Variants in MAGI2 observed in about 807,000 individuals in gnomAD.
MAGI2 encodes the protein membrane-associated guanylate kinase, WW and PDZ domain-containing protein 2.
In MAGI2, 35 loss-of-function variants were observed where a neutral mutation model predicts 133.3. The observed-to-expected ratio is 0.26, with a 90% CI of 0.20 to 0.35. The LOEUF is 0.35. MAGI2 is among the 10% of genes least tolerant of loss of function. The pLI is 1.00. For missense variants in MAGI2, 1,636 were observed against 1,863.4 expected (o/e 0.88, Z 2.25); for synonymous variants, 729 against 710.6 (o/e 1.03, Z -0.41).
At chr7:79,077,844 G>A (rs895779857) in intron 1 of MAGI2, among the ~76,000 whole-genome samples, 3 of 152,008 alleles carry the variant, frequency 2.0e-5, no homozygotes, top group Admixed American at 2.0e-4. Context: ...ATCAGTGCTA[G>A]ATATTTACGT....
chr7:78,540,754 T>C (rs1584555131), intron 3 of MAGI2, among the ~76,000 whole-genome samples: 1 of 152,164 alleles, frequency 6.6e-6, no homozygotes, highest in Non-Finnish European at 1.5e-5. Flanking sequence ...TGGGCTTCTT[T>C]AGGGGCCGGG....
intron 2 of MAGI2, among the ~76,000 whole-genome samples, chr7:78,804,543 T>C (rs1487693798): frequency 7.3e-6 from 1 of 136,694 alleles, no homozygotes; most frequent in Non-Finnish European, 1.5e-5. Context: ...CGTCAGGAAA[T>C]CGAGACCCTC....
At chr7:78,339,321 T>C (rs1292813472) in intron 9 of MAGI2, among the ~76,000 whole-genome samples, 2 of 152,246 alleles carry the variant, frequency 1.3e-5, no homozygotes, top group Non-Finnish European at 2.9e-5. Context: ...TTTGTGATTA[T>C]CTTAAATGAA....
chr7:78,558,097 T>G (rs1800015091), intron 3 of MAGI2, among the ~76,000 whole-genome samples: 1 of 152,204 alleles, frequency 6.6e-6, no homozygotes, highest in Non-Finnish European at 1.5e-5. Context: ...GTGTGATAAA[T>G]CCTTAATATA....
chr7:78,676,754 G>A (rs1815080639), intron 2 of MAGI2, among the ~76,000 whole-genome samples: 2 of 151,970 alleles, frequency 1.3e-5, no homozygotes, highest in Non-Finnish European at 2.9e-5. Flanking sequence ...AAGAAATGCG[G>A]TTCTGTGATG....
At chr7:79,002,329 GGTCTTGTAGA>G (rs1394167579) in intron 2 of MAGI2, among the ~76,000 whole-genome samples, 1 of 151,410 alleles carries the variant, frequency 6.6e-6, no homozygotes, top group African/African-American at 2.4e-5. Flanking sequence ...TTTCTTAAGG[GGTCTTGTAGA>G]GATGGGGTTT....
At chr7:79,246,327 G>C (rs564569033) in intron 1 of MAGI2, among the ~76,000 whole-genome samples, 396 of 152,294 alleles carry the variant, frequency 2.6e-3, no homozygotes, top group African/African-American at 9.0e-3. Context: ...ACCAATCATG[G>C]AGAAGCTGAG....
chr7:78,721,640 A>T (rs1190047987), intron 2 of MAGI2, among the ~76,000 whole-genome samples: 1 of 152,002 alleles, frequency 6.6e-6, no homozygotes, highest in East Asian at 1.9e-4. Context: ...AATTGTGAGA[A>T]ATCTGCAAAG....
chr7:79,306,540 A>G (rs553440269), intron 1 of MAGI2, among the ~76,000 whole-genome samples: 5 of 152,120 alleles, frequency 3.3e-5, no homozygotes, highest in African/African-American at 1.2e-4. Context: ...ATAGATGAGC[A>G]TTTGACCTTC....
intron 1 of MAGI2, among the ~76,000 whole-genome samples, chr7:79,435,223 T>C (rs1212598761): frequency 6.6e-6 from 1 of 152,222 alleles, no homozygotes; most frequent in Non-Finnish European, 1.5e-5. Context: ...ATAAGTCAAC[T>C]GTTACAGAGA....
chr7:79,230,002 C>A (rs928237390), intron 1 of MAGI2, among the ~76,000 whole-genome samples: 1 of 136,578 alleles, frequency 7.3e-6, no homozygotes, highest in Non-Finnish European at 1.5e-5. Context: ...TCCATGTGAT[C>A]TCATTGTTCA....
At chr7:78,249,658 T>C (rs1449141158) in intron 10 of MAGI2, among the ~76,000 whole-genome samples, 1 of 152,008 alleles carries the variant, frequency 6.6e-6, no homozygotes, top group Non-Finnish European at 1.5e-5. Context: ...AAAGAGTTCA[T>C]CTCATAGAAA....
intron 1 of MAGI2, among the ~76,000 whole-genome samples, chr7:79,201,707 T>G (rs1371771558): frequency 6.6e-6 from 1 of 151,958 alleles, no homozygotes; most frequent in Admixed American, 6.6e-5. Flanking sequence ...ACTCCCTTTT[T>G]AAAATATTAG....
intron 2 of MAGI2, among the ~76,000 whole-genome samples, chr7:78,778,450 C>T (rs1826150200): frequency 6.6e-6 from 1 of 152,120 alleles, no homozygotes; most frequent in Admixed American, 6.5e-5. Context: ...TACTTTTTGT[C>T]TTGGTGACTG....
intron 3 of MAGI2, among the ~76,000 whole-genome samples, chr7:78,572,757 G>T (rs1801641155): frequency 6.6e-6 from 1 of 151,650 alleles, no homozygotes; most frequent in Admixed American, 6.6e-5. Flanking sequence ...CCGCCTCCCA[G>T]GTTCAAGCAA....
intron 1 of MAGI2, among the ~76,000 whole-genome samples, chr7:79,311,249 T>A (rs1487991208): frequency 6.6e-6 from 1 of 152,112 alleles, no homozygotes; most frequent in African/African-American, 2.4e-5. Flanking sequence ...ATCAGGTGTG[T>A]CCGATCTTTT....
intron 20 of MAGI2, among the ~76,000 whole-genome samples, chr7:78,115,914 G>C (rs1052519531): frequency 6.6e-6 from 1 of 152,170 alleles, no homozygotes; most frequent in Non-Finnish European, 1.5e-5. Context: ...AGATCAAATA[G>C]ATAAAAATTA....
intron 2 of MAGI2, among the ~76,000 whole-genome samples, chr7:78,889,492 C>T (rs1241828092): frequency 6.6e-6 from 1 of 152,116 alleles, no homozygotes; most frequent in Non-Finnish European, 1.5e-5. Context: ...GGTCGGGTTA[C>T]CCACAAATGG....
intron 1 of MAGI2, among the ~76,000 whole-genome samples, chr7:79,237,011 C>A (rs1318606777): frequency 6.6e-6 from 1 of 152,138 alleles, no homozygotes; most frequent in Admixed American, 6.5e-5. Context: ...TGCCACTGCA[C>A]TCCAGCCTGT....
Sources: gnomAD v4.1 joint callset for allele counts (sites outside exome capture counted in the v4.1 genomes callset) on GRCh38, gnomAD v4.1.1 for gene constraint, MANE v1.5 for transcripts, NCBI Gene and HGNC (gene_info 2026-07-23, HGNC 2026-07-21) for gene names.